Variants in PELI2 observed in about 807,000 individuals in gnomAD.
PELI2 encodes the protein pellino E3 ubiquitin protein ligase family member 2.
PELI2 carries 23 observed loss-of-function variants against 42.3 expected under a neutral mutation model. That is an observed-to-expected ratio of 0.54 (90% confidence interval 0.39 to 0.77). The LOEUF is 0.77. PELI2 is among the 30% of genes least tolerant of loss of function. The pLI is 0.00. For missense variants in PELI2, 463 were observed against 553.2 expected, an observed-to-expected ratio of 0.84 and a Z score of 1.64; for synonymous variants, 245 against 212.2, an observed-to-expected ratio of 1.15 and a Z score of -1.34.
rs150097581 is a variant in PELI2, at chr14:56,133,500, G to A, written c.77+14763G>A. Among the ~76,000 whole-genome samples, 14 of 152,292 alleles carry A rather than the reference G, an allele frequency of 9.2e-5. No individual in the cohort carries two copies. In the East Asian group the frequency reaches 2.7e-3, roughly 29 times the overall value. On this transcript the variant is annotated intron_variant, in intron 1 of 5. Transcript: ENST00000267460. ...TGGCTTCTGAAAATAAGTCTATTAGGTACTTAGAGGAAAGGACACTACATT... is the reference window on the plus strand; with the variant it reads ...TGGCTTCTGAAAATAAGTCTATTAGATACTTAGAGGAAAGGACACTACATT...
intron 1 of PELI2, among the ~76,000 whole-genome samples, chr14:56,162,875 C>T (rs1884814923): frequency 6.6e-6 from 1 of 151,870 alleles, no homozygotes; most frequent in African/African-American, 2.4e-5. Flanking sequence ...TGTTGAGCAC[C>T]TGTTTGTCAT....
intron 2 of PELI2, among the ~76,000 whole-genome samples, chr14:56,207,865 G>A (rs1291374328): frequency 6.6e-6 from 1 of 152,222 alleles, no homozygotes; most frequent in Non-Finnish European, 1.5e-5. Flanking sequence ...GGCTGTCCTA[G>A]GGACATGGCC....
intron 1 of PELI2, among the ~76,000 whole-genome samples, chr14:56,161,601 T>C (rs150465377): frequency 8.5e-4 from 130 of 152,342 alleles, no homozygotes; most frequent in African/African-American, 3.0e-3. Context: ...ACCTTGACTA[T>C]CTTGCCTACC....
At chr14:56,130,445 TG>T (rs67359475) in intron 1 of PELI2, among the ~76,000 whole-genome samples, 56,104 of 150,910 alleles carry the variant, frequency 0.37, 11,637 homozygotes, top group South Asian at 0.52. Flanking sequence ...GTTTTTATTT[TG>T]TTTTTTTTTA....
chr14:56,199,307 A>C (rs1179341002), intron 2 of PELI2, among the ~76,000 whole-genome samples: 1 of 152,044 alleles, frequency 6.6e-6, no homozygotes, highest in Non-Finnish European at 1.5e-5. Context: ...CCTGGGCTCT[A>C]ATCTCCATTT....
rs561958829 is a variant in PELI2, at chr14:56,133,739, C to G, written c.77+15002C>G. ...GTGATGCCCTTCCTGAATCCTCCCC[C>G]TTTTCCCTCCAGTCAGGAGCAAGGA... On this transcript the variant is annotated intron_variant, in intron 1 of 5. Transcript: ENST00000267460. Among the ~76,000 whole-genome samples the G allele has an allele frequency of 1.1e-4, 16 of 152,340 alleles. No individual in the cohort carries two copies. In the East Asian group the frequency reaches 1.7e-3, roughly 17 times the overall value.
intron 1 of PELI2, among the ~76,000 whole-genome samples, chr14:56,173,124 C>T (rs1885239531): frequency 6.6e-6 from 1 of 152,180 alleles, no homozygotes; most frequent in Non-Finnish European, 1.5e-5. Flanking sequence ...TCAGTTGCCT[C>T]CTCCATGCCT....
chr14:56,238,240 T>C (rs543119580), intron 2 of PELI2, among the ~76,000 whole-genome samples: 2 of 152,336 alleles, frequency 1.3e-5, no homozygotes, highest in South Asian at 4.1e-4. Context: ...CTTGCAGTTC[T>C]ATTGACTTTT....
At chr14:56,270,806 G>A (rs1482799998) in intron 2 of PELI2, among the ~76,000 whole-genome samples, 1 of 152,168 alleles carries the variant, frequency 6.6e-6, no homozygotes, top group Non-Finnish European at 1.5e-5. Context: ...AGAGGTTATG[G>A]TTGGTGAGTA....
At chr14:56,277,335 A>G (rs1267587611) in intron 2 of PELI2, among the ~76,000 whole-genome samples, 3 of 151,882 alleles carry the variant, frequency 2.0e-5, no homozygotes, top group Admixed American at 1.3e-4. Context: ...CACGAACCCT[A>G]TTGTGAACTG....
chr14:56,122,820 T>C (rs565412712), intron 1 of PELI2, among the ~76,000 whole-genome samples: 1 of 152,358 alleles, frequency 6.6e-6, no homozygotes, highest in South Asian at 2.1e-4. Context: ...TGTTATTTAA[T>C]GCATTATTAC....
chr14:56,294,993 C>T (rs1455601867), intron 5 of PELI2, among the ~76,000 whole-genome samples: 1 of 152,194 alleles, frequency 6.6e-6, no homozygotes, highest in Non-Finnish European at 1.5e-5. Flanking sequence ...TGCCATTTCT[C>T]CTGTGTTTCT....
chr14:56,214,681 C>T (rs1886834309), intron 2 of PELI2, among the ~76,000 whole-genome samples: 1 of 152,110 alleles, frequency 6.6e-6, no homozygotes, highest in Non-Finnish European at 1.5e-5. Context: ...AGTTTGGAAG[C>T]TGGATGTTCA....
chr14:56,119,393 T>A (rs1015609830), intron 1 of PELI2, among the ~76,000 whole-genome samples: 1 of 149,930 alleles, frequency 6.7e-6, no homozygotes, highest in Non-Finnish European at 1.5e-5. Flanking sequence ...TGGAGTGCTC[T>A]GGAGGGGAGG....
chr14:56,142,924 A>G (rs1374496194), intron 1 of PELI2, among the ~76,000 whole-genome samples: 1 of 152,142 alleles, frequency 6.6e-6, no homozygotes, highest in East Asian at 1.9e-4. Context: ...TATATCCTTC[A>G]TGCTTCTTCT....
At chr14:56,149,216 G>A (rs904741519) in intron 1 of PELI2, among the ~76,000 whole-genome samples, 2 of 152,180 alleles carry the variant, frequency 1.3e-5, no homozygotes, top group East Asian at 1.9e-4. Flanking sequence ...GAAACGAGTT[G>A]TGAAGTTAGA....
chr14:56,270,347 A>T (rs1241634725), intron 2 of PELI2, among the ~76,000 whole-genome samples: 3 of 152,196 alleles, frequency 2.0e-5, no homozygotes, highest in African/African-American at 7.2e-5. Flanking sequence ...AGTGTGTTTC[A>T]TGCAACGTAA....
chr14:56,187,881 C>G (rs140946211), intron 2 of PELI2, among the ~76,000 whole-genome samples: 168 of 152,336 alleles, frequency 1.1e-3, no homozygotes, highest in African/African-American at 3.6e-3. Context: ...ATTCTGCTGC[C>G]AGGTGAGCCC....
chr14:56,205,192 G>A (rs1372432810), intron 2 of PELI2, among the ~76,000 whole-genome samples: 3 of 152,126 alleles, frequency 2.0e-5, no homozygotes, highest in Non-Finnish European at 2.9e-5. Flanking sequence ...AACATGGAGC[G>A]CTGGAGAAGT....
Sources: gnomAD v4.1 joint callset for allele counts (sites outside exome capture counted in the v4.1 genomes callset) on GRCh38, gnomAD v4.1.1 for gene constraint, MANE v1.5 for transcripts, NCBI Gene and HGNC (gene_info 2026-07-23, HGNC 2026-07-21) for gene names.